The following ZNF438 variants were observed in gnomAD, a reference collection of about 807,000 sequenced individuals.
The protein encoded by ZNF438 is zinc finger protein 438.
ZNF438 carries 25 observed loss-of-function variants against 38.0 expected under a neutral mutation model. The observed-to-expected ratio is 0.66, with a 90% CI of 0.48 to 0.92. ZNF438 has a LOEUF of 0.92. Among genes scored for constraint, ZNF438 ranks in the 40% least tolerant of loss-of-function variants. ZNF438 has a pLI of 0.00. For missense variants in ZNF438, 1,007 were observed against 999.6 expected (o/e 1.01, Z -0.10); for synonymous variants, 372 against 364.1 (o/e 1.02, Z -0.25).
intron 2 of ZNF438, among the ~76,000 whole-genome samples, chr10:30,934,486 G>A (rs1400475001): frequency 6.6e-6 from 1 of 152,148 alleles, no homozygotes; most frequent in African/African-American, 2.4e-5. Context: ...CTTACCTCTT[G>A]TATACATATA....
chr10:30,875,158 CT>C (rs2038214529), intron 4 of ZNF438, among the ~76,000 whole-genome samples: 1 of 152,032 alleles, frequency 6.6e-6, no homozygotes, highest in African/African-American at 2.4e-5. Context: ...GCCAAGGGGT[CT>C]TACTTTCCGG....
At chr10:30,856,383 T>C (rs2034634752) in intron 4 of ZNF438, among the ~76,000 whole-genome samples, 1 of 152,192 alleles carries the variant, frequency 6.6e-6, no homozygotes. Flanking sequence ...TTTTGTTTTG[T>C]TTTGTTTTGT....
intron 4 of ZNF438, among the ~76,000 whole-genome samples, chr10:30,870,946 T>G (rs1263668474): frequency 6.6e-6 from 1 of 152,142 alleles, no homozygotes; most frequent in Admixed American, 6.5e-5. Context: ...AAAAGAAGCA[T>G]GTAACAATGA....
chr10:30,980,723 C>T (rs150313188), intron 1 of ZNF438, among the ~76,000 whole-genome samples: 2 of 152,002 alleles, frequency 1.3e-5, no homozygotes, highest in African/African-American at 2.4e-5. Context: ...CATATGAGAT[C>T]GTGTGGAAAA....
chr10:30,951,871 C>A (rs374323379), intron 1 of ZNF438, among the ~76,000 whole-genome samples: 425 of 151,480 alleles, frequency 2.8e-3, no homozygotes, highest in African/African-American at 7.2e-3. Flanking sequence ...GCTACCAATG[C>A]CTTTCTTCAC....
At chr10:30,993,547 G>C (rs2053726255) in intron 1 of ZNF438, among the ~76,000 whole-genome samples, 1 of 152,036 alleles carries the variant, frequency 6.6e-6, no homozygotes, top group African/African-American at 2.4e-5. Flanking sequence ...GTTTCACCTA[G>C]ATTTCAAAGG....
intron 2 of ZNF438, among the ~76,000 whole-genome samples, chr10:30,929,334 T>C (rs570891613): frequency 3.3e-5 from 5 of 152,310 alleles, no homozygotes; most frequent in Middle Eastern, 3.4e-3. Flanking sequence ...GACTTCCTTC[T>C]GGTGGGTTCG....
chr10:30,850,484 G>T, intron 4 of ZNF438, 117 bp from the exon 6 acceptor site: 1 of 1,167,146 alleles, frequency 8.6e-7, no homozygotes, highest in African/African-American at 1.5e-5. Context: ...CTACCTCCAA[G>T]CCTTCTGGGC....
At chr10:30,865,879 T>C (rs2036338608) in intron 4 of ZNF438, among the ~76,000 whole-genome samples, 1 of 152,208 alleles carries the variant, frequency 6.6e-6, no homozygotes, top group African/African-American at 2.4e-5. Context: ...GGGGATTAGA[T>C]TAGATTAGTG....
intron 2 of ZNF438, among the ~76,000 whole-genome samples, chr10:30,911,736 AG>A (rs2043098839): frequency 6.6e-6 from 1 of 152,110 alleles, no homozygotes; most frequent in African/African-American, 2.4e-5. Context: ...TCAAACCTTC[AG>A]TACTATTCTC....
chr10:31,006,518 C>A (rs1489003560), intron 1 of ZNF438, among the ~76,000 whole-genome samples: 1 of 152,052 alleles, frequency 6.6e-6, no homozygotes, highest in East Asian at 1.9e-4. Context: ...TTTGTAATAC[C>A]CTTTATAATA....
At chr10:30,965,132 A>C (rs540074719) in intron 1 of ZNF438, among the ~76,000 whole-genome samples, 169 of 152,358 alleles carry the variant, frequency 1.1e-3, no homozygotes, top group African/African-American at 4.0e-3. Flanking sequence ...AAAGGACATA[A>C]ACAAACACTT....
chr10:30,957,881 C>A (rs1377719258), intron 1 of ZNF438, among the ~76,000 whole-genome samples: 1 of 117,534 alleles, frequency 8.5e-6, no homozygotes, highest in Non-Finnish European at 2.2e-5. Context: ...TTTTGTGACT[C>A]ATTATTGCTG....
At chr10:30,848,963 C>T in exon 5 of ZNF438, 1 of 1,614,184 alleles carries the variant, frequency 6.2e-7, no homozygotes, top group South Asian at 1.1e-5. Context: ...GTCTTGCTTA[C>T]AGCCAAGATA....
At chr10:30,891,942 A>C (rs2040740995) in intron 3 of ZNF438, among the ~76,000 whole-genome samples, 1 of 152,230 alleles carries the variant, frequency 6.6e-6, no homozygotes, top group Non-Finnish European at 1.5e-5. Context: ...AACACAACAA[A>C]GATGAACGCT....
At chr10:30,987,182 T>C (rs1388531162) in intron 1 of ZNF438, among the ~76,000 whole-genome samples, 1 of 152,082 alleles carries the variant, frequency 6.6e-6, no homozygotes, top group Non-Finnish European at 1.5e-5. Context: ...AGGCTGGGTG[T>C]GGTGGCTCAC....
At chr10:30,850,250 G>T (rs2033330641) in exon 5 of ZNF438, 1 of 1,614,018 alleles carries the variant, frequency 6.2e-7, no homozygotes, top group African/African-American at 1.3e-5. Context: ...TGAATGACAT[G>T]GCAGCATTCT....
In ZNF438 at chr10:31,007,560, G is replaced by A. The variant is rs572993053; in HGVS notation, c.-192+24273C>T. Among the ~76,000 whole-genome samples the A allele has an allele frequency of 5.9e-5, 9 of 152,230 alleles. No individual in the cohort carries two copies. In the South Asian group the frequency reaches 1.2e-3, roughly 21 times the overall value. On this transcript the variant is annotated intron_variant, in intron 1 of 5. Transcript: ENST00000413025. ...CTCCCAAAGTGCTGGGATTACAGGCGTTAGCCACCGCGCCCGGCCAGATCT... is the reference window on the plus strand; with the variant it reads ...CTCCCAAAGTGCTGGGATTACAGGCATTAGCCACCGCGCCCGGCCAGATCT...
chr10:30,911,419 T>G (rs1349011871), intron 2 of ZNF438, among the ~76,000 whole-genome samples: 3 of 152,144 alleles, frequency 2.0e-5, no homozygotes, highest in Non-Finnish European at 4.4e-5. Context: ...ATAATTTAAA[T>G]CACTACAGAT....
Sources: allele counts gnomAD v4.1 joint callset (sites outside exome capture counted in the v4.1 genomes callset), GRCh38; gene constraint gnomAD v4.1.1; transcripts MANE v1.5; gene names NCBI Gene and HGNC (gene_info 2026-07-23, HGNC 2026-07-21).